NUP155: variants seen among roughly 807,000 people sequenced by gnomAD.
NUP155 encodes the protein nuclear pore complex protein Nup155.
A neutral mutation model predicts 180.4 loss-of-function variants in NUP155; 71 were observed. The ratio of observed to expected loss-of-function variants is 0.39; its 90% CI spans 0.33 to 0.48. The LOEUF (loss-of-function observed/expected upper bound fraction) is 0.48, where lower values mean the gene tolerates loss of function less well. Ranked by LOEUF, NUP155 falls within the 20% of genes least tolerant of loss-of-function variation. The probability of loss-of-function intolerance (pLI) is 0.91; values close to 1 mark genes in which losing one functional copy is unlikely to be tolerated. For synonymous variants in NUP155, 582 were observed against 559.5 expected (o/e 1.04, Z -0.57); for missense variants, 1,553 against 1,648.9 (o/e 0.94, Z 1.01).
intron 27 of NUP155, among the ~76,000 whole-genome samples, 198 bp from the exon 28 acceptor site, chr5:37,303,612 A>G (rs992018804): frequency 6.6e-6 from 1 of 152,254 alleles, no homozygotes; most frequent in African/African-American, 2.4e-5. Context: ...TACCACAGTT[A>G]GCATAAGAGT....
In NUP155 at chr5:37,309,153, T is replaced by C. The variant is rs746312378; in HGVS notation, c.2743A>G (p.Asn915Asp). The change falls in exon 24 of 35, where the codon AAT becomes GAT. Residue 915 changes from asparagine (N) to aspartate (D), a missense_variant. Transcript: ENST00000231498. ...CCTTGTCTATACTGAGCACAAACAT[T>C]GGAAAGGTCCACTTGATTGCTAATT... ...QKISNQVDLS[N>D]VCAQYRQVRF... The C allele has an allele frequency of 2.7e-5, 44 of 1,613,530 alleles. No individual in the cohort carries two copies. The highest frequency in any genetic ancestry group is 6.7e-5 in the Admixed American group (4 of 59,998).
chr5:37,352,841 T>C lies in NUP155; in HGVS notation c.464-12A>G, dbSNP rs756467864. On this transcript the variant is annotated splice_polypyrimidine_tract_variant and intron_variant, in intron 4 of 34. Coordinates refer to ENST00000231498, the MANE Select transcript of NUP155 (RefSeq NM_153485.3). ...AGGTTGAAAGATGCCTAAGATAAAGTAGACACAGGGCAGGAATACTTTCAG... is the reference window on the plus strand; with the variant it reads ...AGGTTGAAAGATGCCTAAGATAAAGCAGACACAGGGCAGGAATACTTTCAG... The C allele has an allele frequency of 3.1e-6, 5 of 1,590,734 alleles. No individual in the cohort carries two copies. The highest frequency in any genetic ancestry group is 2.2e-5 in the East Asian group (1 of 44,760).
At chr5:37,297,037 G>C (rs891415838) in intron 32 of NUP155, among the ~76,000 whole-genome samples, 3 of 152,078 alleles carry the variant, frequency 2.0e-5, no homozygotes, top group Non-Finnish European at 4.4e-5. Flanking sequence ...AAATTAGCTA[G>C]GTGTGGCTAA....
At chr5:37,326,104 A>C in intron 18 of NUP155, 137 bp from the exon 19 acceptor site, 1 of 674,182 alleles carries the variant, frequency 1.5e-6, no homozygotes, top group Non-Finnish European at 2.6e-6. Context: ...TTACTAAGCT[A>C]TCTAGAAGAG....
intron 25 of NUP155, among the ~76,000 whole-genome samples, chr5:37,306,608 C>T (rs764164662): frequency 4.6e-5 from 7 of 151,934 alleles, no homozygotes; most frequent in African/African-American, 7.3e-5. Flanking sequence ...GCTGGGATTA[C>T]GGGTGTGCAC....
At chr5:37,362,560 T>C (rs1225256852) in intron 3 of NUP155, among the ~76,000 whole-genome samples, 1 of 152,154 alleles carries the variant, frequency 6.6e-6, no homozygotes, top group Admixed American at 6.5e-5. Context: ...AGTGCTGGGA[T>C]TACAGGCATG....
intron 14 of NUP155, 140 bp from the exon 15 acceptor site, chr5:37,330,272 T>C: frequency 5.9e-6 from 4 of 678,386 alleles, no homozygotes; most frequent in Non-Finnish European, 8.0e-6. Flanking sequence ...TGAAATCAGT[T>C]AGTGTTAAAA....
chr5:37,337,786 A>C (rs1489640957), intron 12 of NUP155, 32 bp downstream of exon 12: 2 of 1,301,996 alleles, frequency 1.5e-6, no homozygotes, highest in South Asian at 1.2e-5. Flanking sequence ...AAATTATATA[A>C]TAGTTTTTTC....
intron 28 of NUP155, 113 bp from the exon 29 acceptor site, chr5:37,303,021 A>T: frequency 8.1e-7 from 1 of 1,240,346 alleles, no homozygotes; most frequent in Admixed American, 2.1e-5. Context: ...AGCCATCTGA[A>T]ACTTGAAAAA....
rs1745687716 is a variant in NUP155, at chr5:37,341,103, A to C, written c.1233T>G (p.Ala411=). 5.0e-6 allele frequency: 8 copies of C among 1,612,406 alleles called. No individual in the cohort carries two copies. Among genetic ancestry groups the C allele is most frequent in the Non-Finnish European group, 6.8e-6 (8 of 1,178,414 alleles). The part of the protein sequence containing the change: ...TVEKPSKVHR[A]LYSKGILLMA... Reference sequence around the variant, plus strand: ...TTCAGAACTTACCTTTACTATAAAGAGCTCTATGTACTTTTGAAGGCTTTT... The same window carrying C: ...TTCAGAACTTACCTTTACTATAAAGCGCTCTATGTACTTTTGAAGGCTTTT... The change falls in exon 11 of 35, where the codon GCT becomes GCG. Residue 411 remains alanine, a synonymous_variant. Coordinates refer to ENST00000231498, the MANE Select transcript of NUP155 (RefSeq NM_153485.3).
chr5:37,289,540 T>C lies in NUP155; in HGVS notation c.*2360A>G, dbSNP rs1742148109. 1 of 152,166 alleles carries C rather than the reference T, an allele frequency of 6.6e-6. No homozygotes were observed. Among genetic ancestry groups the C allele is most frequent in the Admixed American group, 6.5e-5 (1 of 15,270 alleles). 9.4% of individuals were successfully genotyped at this position (152,166 alleles called of 1,614,324 possible). A position where few individuals can be genotyped will look rare whatever the true frequency, so the allele number is the denominator to read the frequency against. ...TGAGGGGACCTAATTTCTTCTCTCT[T>C]AGGAATCTTACCCCCCAAAAGGTAT... On this transcript the variant is annotated 3_prime_UTR_variant, in exon 35 of 35. Coordinates refer to ENST00000231498, the MANE Select transcript of NUP155 (RefSeq NM_153485.3).
intron 21 of NUP155, among the ~76,000 whole-genome samples, chr5:37,316,279 G>A (rs1743881300): frequency 6.6e-6 from 1 of 152,140 alleles, no homozygotes; most frequent in African/African-American, 2.4e-5. Flanking sequence ...TTACAACATG[G>A]ATGAACCTCG....
At chr5:37,365,776 C>T (rs1371200920) in intron 1 of NUP155, among the ~76,000 whole-genome samples, 23 of 136,600 alleles carry the variant, frequency 1.7e-4, no homozygotes, top group Non-Finnish European at 3.0e-4. Flanking sequence ...CACACACACA[C>T]ACACACACAC....
At chr5:37,370,178 A>C (rs1393031280) in intron 1 of NUP155, among the ~76,000 whole-genome samples, 1 of 152,118 alleles carries the variant, frequency 6.6e-6, no homozygotes, top group African/African-American at 2.4e-5. Context: ...GTGACCAGCC[A>C]GGCCAATATG....
At chr5:37,367,052 T>C (rs1276840802) in intron 1 of NUP155, among the ~76,000 whole-genome samples, 2 of 151,714 alleles carry the variant, frequency 1.3e-5, no homozygotes, top group Non-Finnish European at 2.9e-5. Flanking sequence ...TTTCTCTTTT[T>C]TTTTTTTTCC....
At chr5:37,365,739 AT>A (rs55903837) in intron 1 of NUP155, among the ~76,000 whole-genome samples, 464 of 28,154 alleles carry the variant, frequency 0.016, 36 homozygotes, top group Non-Finnish European at 0.027. Context: ...AAAAAAAAAA[AT>A]ATATATATAT....
Position 37,348,553 on chromosome 5 carries a change from G to T in NUP155, c.947C>A (p.Ala316Asp), listed in dbSNP as rs940695791. ...GACAATGGCATTCTGTGACACAGAG[G>T]CAACTCTGCTCATTCCTTGTCCATC... is the stretch of plus-strand genomic sequence containing the variant. ...GQDGQGMSRV[A>D]SVSQNAIVSA... Residue 316 changes from alanine to aspartate, a missense_variant, in exon 9 of 35, where the codon GCC becomes GAC. By Grantham distance (126) the Ala-to-Asp change is moderately radical. Transcript: ENST00000231498. The T allele has an allele frequency of 2.5e-6, 4 of 1,612,836 alleles. No individual in the cohort carries two copies. The South Asian group carries it at 4.4e-5, about 18-fold the overall frequency.
intron 25 of NUP155, among the ~76,000 whole-genome samples, chr5:37,306,946 C>T (rs1743188157): frequency 6.6e-6 from 1 of 151,856 alleles, no homozygotes; most frequent in Admixed American, 6.6e-5. Context: ...GGCTATAATC[C>T]TAGCACTTTG....
intron 32 of NUP155, among the ~76,000 whole-genome samples, chr5:37,296,096 G>C (rs1479487726): frequency 2.6e-5 from 4 of 151,016 alleles, no homozygotes; most frequent in Non-Finnish European, 4.4e-5. Context: ...CGTCCGGGAG[G>C]TGAGGGGCAC....
Sources: gnomAD v4.1 joint callset for allele counts (sites outside exome capture counted in the v4.1 genomes callset) on GRCh38, gnomAD v4.1.1 for gene constraint, MANE v1.5 for transcripts, NCBI Gene and HGNC (gene_info 2026-07-23, HGNC 2026-07-21) for gene names.